The following TEX14 variants were observed in gnomAD, a reference collection of about 807,000 sequenced individuals.
TEX14 encodes testis expressed 14, intercellular bridge forming factor.
Under a neutral mutation model 178.6 loss-of-function variants are expected in TEX14, and 168 were observed. The observed-to-expected ratio is 0.94, with a 90% CI of 0.83 to 1.07. The LOEUF (loss-of-function observed/expected upper bound fraction) is 1.07, where lower values mean the gene tolerates loss of function less well. Ranked by LOEUF, TEX14 falls within the 50% of genes least tolerant of loss-of-function variation. The pLI is 0.00. For missense variants in TEX14, 1,730 were observed against 1,753.6 expected (o/e 0.99, Z 0.24); for synonymous variants, 626 against 634.1 (o/e 0.99, Z 0.19).
chr17:58,614,183 G>C (rs556604125), intron 8 of TEX14, among the ~76,000 whole-genome samples: 1 of 152,166 alleles, frequency 6.6e-6, no homozygotes, highest in Admixed American at 6.5e-5. Flanking sequence ...TATAGATGAG[G>C]AGACCAACAT....
chr17:58,632,956 C>T (rs983816751), intron 2 of TEX14, among the ~76,000 whole-genome samples: 1 of 152,148 alleles, frequency 6.6e-6, no homozygotes, highest in Non-Finnish European at 1.5e-5. Context: ...TTCCGCTGTT[C>T]TTCGTGCCTC....
intron 1 of TEX14, among the ~76,000 whole-genome samples, chr17:58,674,241 A>G (rs2047352789): frequency 6.6e-6 from 1 of 150,448 alleles, no homozygotes; most frequent in African/African-American, 2.5e-5. Flanking sequence ...GCACCACTGC[A>G]CTCCAGCCTG....
At chr17:58,683,052 C>CAAAAAAAA (rs1194798521) in intron 1 of TEX14, among the ~76,000 whole-genome samples, 2 of 54,000 alleles carry the variant, frequency 3.7e-5, no homozygotes, top group African/African-American at 1.4e-4. Context: ...GAGTCTGTCT[C>CAAAAAAAA]AAAAAAAAAA....
At chr17:58,652,041 C>T (rs775187543) in intron 1 of TEX14, 39 bp from the exon 2 acceptor site, 1 of 1,451,120 alleles carries the variant, frequency 6.9e-7, no homozygotes, top group Non-Finnish European at 9.1e-7. Flanking sequence ...TTTAACTGAA[C>T]CAGAAATGCA....
At chr17:58,578,052 T>C (rs1183444288) in intron 20 of TEX14, among the ~76,000 whole-genome samples, 3 of 152,326 alleles carry the variant, frequency 2.0e-5, no homozygotes, top group South Asian at 4.1e-4. Context: ...CCCACCACTG[T>C]ACTGTCCTAG....
At chr17:58,588,763 T>C (rs2144423520) in intron 15 of TEX14, among the ~76,000 whole-genome samples, 1 of 152,288 alleles carries the variant, frequency 6.6e-6, no homozygotes, top group African/African-American at 2.4e-5. Flanking sequence ...CGTCTTTTTT[T>C]CCTCTAAATA....
At chr17:58,652,476 G>A (rs917443327) in intron 1 of TEX14, among the ~76,000 whole-genome samples, 3 of 152,068 alleles carry the variant, frequency 2.0e-5, no homozygotes, top group Non-Finnish European at 2.9e-5. Flanking sequence ...CTGCCATCAC[G>A]TGAAGAAGGA....
chr17:58,689,180 G>A (rs997368056), intron 1 of TEX14, among the ~76,000 whole-genome samples: 1 of 151,684 alleles, frequency 6.6e-6, no homozygotes, highest in Non-Finnish European at 1.5e-5. Flanking sequence ...CGCCCACCTC[G>A]GCCTCCCAAA....
Position 58,584,516 on chromosome 17 carries a change from A to G in TEX14, c.3155T>C (p.Val1052Ala). ...ATTACTTACACTGTAAGATTTCTCT[A>G]CAGCCACCAATGTGTCAGAACTTGC... ...FQASSDTLVAVEKSYSTSSPI... is the reference protein window; with the variant it reads ...FQASSDTLVAAEKSYSTSSPI... Residue 1052 changes from valine (V) to alanine (A), a missense_variant, in exon 19 of 32, where the codon GTA (valine) becomes GCA (alanine). Physicochemically the swap from Val to Ala is moderately conservative, Grantham distance 64. Coordinates refer to ENST00000349033, the MANE Select transcript of TEX14 (RefSeq NM_031272.5). The G allele has an allele frequency of 6.2e-7, 1 of 1,613,704 alleles. No homozygotes were observed. Among genetic ancestry groups the G allele is most frequent in the East Asian group, 2.2e-5 (1 of 44,896 alleles).
intron 28 of TEX14, 55 bp downstream of exon 28, chr17:58,564,814 A>C: frequency 8.8e-7 from 1 of 1,136,414 alleles, no homozygotes; most frequent in Admixed American, 2.5e-5. Flanking sequence ...AAAAAAACCT[A>C]ACATAAACTA....
In TEX14 at chr17:58,615,271, C is replaced by A. The variant is rs1260848391; in HGVS notation, c.842G>T (p.Arg281Leu). ...CTCGGCAATTAACAAGTCGGCCAGC[C>A]GCAGCCTGCTGCAGTGTGGGTGGGT... The part of the protein sequence containing the change: ...LPTHPHCSRL[R>L]LADLLIAEQE... The change falls in exon 8 of 32, where the codon CGG (arginine) becomes CTG (leucine). Residue 281 changes from arginine (R) to leucine (L), a missense_variant. Physicochemically the swap from Arg to Leu is moderately radical, Grantham distance 102. Around this residue, in one of 2 missense-constraint regions of TEX14, gnomAD observed 789 missense variants for 681.2 expected, o/e 1.16. Coordinates refer to ENST00000349033, the MANE Select transcript of TEX14 (RefSeq NM_031272.5). The A allele has an allele frequency of 1.9e-6, 3 of 1,613,790 alleles. No individual in the cohort carries two copies. The highest frequency in any genetic ancestry group is 2.5e-6 in the Non-Finnish European group (3 of 1,179,796).
At chr17:58,592,988 A>ATGTATGAATATATTATATATACGTATATG in intron 15 of TEX14, among the ~76,000 whole-genome samples, 1 of 152,134 alleles carries the variant, frequency 6.6e-6, no homozygotes, top group Admixed American at 6.6e-5. Flanking sequence ...ATATACATAT[A>ATGTATGAATATATTATATATACGTATATG]TGTATGAATA....
intron 28 of TEX14, among the ~76,000 whole-genome samples, chr17:58,562,025 C>T (rs1367678103): frequency 6.6e-6 from 1 of 152,028 alleles, no homozygotes; most frequent in African/African-American, 2.4e-5. Flanking sequence ...GCGGCAGCTG[C>T]AGTGAGCCGA....
chr17:58,629,912 T>C lies in TEX14; in HGVS notation c.251+528A>G, dbSNP rs868340527. Among the ~76,000 whole-genome samples, 93 of 139,098 alleles carry C rather than the reference T, an allele frequency of 6.7e-4. 2 individuals carry two copies. The highest frequency in any genetic ancestry group is 1.2e-3 in the Non-Finnish European group (73 of 60,762). The allele number at this position is 139,098 out of a possible 152,430, so 91.3% of individuals were successfully genotyped here. Reference sequence around the variant, plus strand: ...TTCTTTTCGTGTTTCGTGTTTTTTTTTTTTCCTTTTTTTTTTTTTTTGACG... The same window carrying C: ...TTCTTTTCGTGTTTCGTGTTTTTTTCTTTTCCTTTTTTTTTTTTTTTGACG... On this transcript the variant is annotated intron_variant, in intron 3 of 31. Coordinates refer to ENST00000349033, the MANE Select transcript of TEX14 (RefSeq NM_031272.5).
chr17:58,599,082 A>G lies in TEX14; in HGVS notation c.2263T>C (p.Leu755=), dbSNP rs55927508. Residue 755 remains leucine, a synonymous_variant, in exon 14 of 32, where the codon TTA becomes CTA. Transcript: ENST00000349033. ...TTCTGTTTCATCTCGACTTCATCTAATATCTGCTCGATATTCCTCAGCCTA... is the reference window on the plus strand; with the variant it reads ...TTCTGTTTCATCTCGACTTCATCTAGTATCTGCTCGATATTCCTCAGCCTA... ...DDRLRNIEQI[L]DEVEMKQKEQ... is the part of the protein sequence containing the mutation. 4.7e-3 allele frequency: 7,565 copies of G among 1,614,120 alleles called. 27 individuals carry two copies. The highest frequency in any genetic ancestry group is 5.9e-3 in the Non-Finnish European group (6,931 of 1,179,986).
At chr17:58,613,662 T>C (rs2045801865) in intron 8 of TEX14, 118 bp from the exon 9 acceptor site, 4 of 1,146,472 alleles carry the variant, frequency 3.5e-6, no homozygotes, top group African/African-American at 3.1e-5. Flanking sequence ...TGTTTTCTTT[T>C]CTTTTCTTTT....
chr17:58,658,782 C>T (rs1051993871), intron 1 of TEX14, among the ~76,000 whole-genome samples: 1 of 152,044 alleles, frequency 6.6e-6, no homozygotes, highest in African/African-American at 2.4e-5. Context: ...CTTAACTTCC[C>T]ACCTGAAGAC....
chr17:58,658,190 G>A (rs1361658569), intron 1 of TEX14, among the ~76,000 whole-genome samples: 2 of 151,806 alleles, frequency 1.3e-5, no homozygotes, highest in Non-Finnish European at 2.9e-5. Context: ...ATAAAACTCC[G>A]GTCTCCTGCA....
At chr17:58,659,192 C>T (rs1023156155) in intron 1 of TEX14, 2 of 215,284 alleles carry the variant, frequency 9.3e-6, no homozygotes, top group Non-Finnish European at 7.9e-6. Flanking sequence ...ACAAGTTATG[C>T]AGCCGAGTTT....
Sources: gnomAD v4.1 joint callset for allele counts (sites outside exome capture counted in the v4.1 genomes callset) on GRCh38, gnomAD v4.1.1 for gene constraint, gnomAD v4.1.1 regional missense constraint, MANE v1.5 for transcripts, NCBI Gene and HGNC (gene_info 2026-07-23, HGNC 2026-07-21) for gene names.